Variants in SCLT1 observed in about 807,000 individuals in gnomAD.
SCLT1 encodes sodium channel and clathrin linker 1.
A neutral mutation model predicts 112.8 loss-of-function variants in SCLT1; 78 were observed. The observed-to-expected ratio is 0.69, with a 90% CI of 0.58 to 0.83. The LOEUF (loss-of-function observed/expected upper bound fraction) is 0.83, where lower values mean the gene tolerates loss of function less well. SCLT1 is among the 40% of genes least tolerant of loss of function. SCLT1 has a pLI of 0.00. For missense variants in SCLT1, 747 were observed against 770.4 expected, an observed-to-expected ratio of 0.97 and a Z score of 0.36; for synonymous variants, 257 against 254.7, an observed-to-expected ratio of 1.01 and a Z score of -0.09.
intron 5 of SCLT1, among the ~76,000 whole-genome samples, chr4:129,027,242 C>T (rs990027613): frequency 2.0e-5 from 3 of 152,064 alleles, no homozygotes; most frequent in Non-Finnish European, 2.9e-5. Context: ...GGCAGAGACA[C>T]AACCAAAAAA....
chr4:129,038,727 A>G (rs1238116190), intron 5 of SCLT1, among the ~76,000 whole-genome samples: 1 of 152,164 alleles, frequency 6.6e-6, no homozygotes, highest in Non-Finnish European at 1.5e-5. Flanking sequence ...ATACTACATT[A>G]TTGATTGCTA....
chr4:129,092,931 G>GTTTT, intron 1 of SCLT1, 139 bp downstream of exon 1: 2 of 604,736 alleles, frequency 3.3e-6, no homozygotes, highest in Admixed American at 2.7e-5. Flanking sequence ...TAACATCAAG[G>GTTTT]TTTTTTTTTT....
intron 17 of SCLT1, among the ~76,000 whole-genome samples, chr4:128,938,011 C>T (rs1204772940): frequency 1.3e-5 from 2 of 152,036 alleles, no homozygotes; most frequent in East Asian, 3.9e-4. Flanking sequence ...ATGAAAAACA[C>T]TTGTGGAAAA....
At chr4:128,911,958 G>T (rs541284881) in intron 18 of SCLT1, among the ~76,000 whole-genome samples, 1 of 152,146 alleles carries the variant, frequency 6.6e-6, no homozygotes, top group East Asian at 1.9e-4. Context: ...CTTTTTAAAA[G>T]GCATATTTTC....
intron 9 of SCLT1, among the ~76,000 whole-genome samples, chr4:128,973,602 A>G (rs1285097844): frequency 3.3e-5 from 5 of 152,152 alleles, no homozygotes; most frequent in Admixed American, 1.3e-4. Context: ...CCAATTTAAT[A>G]TTCATGTGTG....
At chr4:128,974,455 C>A (rs1740970623) in intron 9 of SCLT1, among the ~76,000 whole-genome samples, 3 of 151,722 alleles carry the variant, frequency 2.0e-5, no homozygotes, top group Non-Finnish European at 2.9e-5. Context: ...TGGAGCTCTC[C>A]TGAAGCCAAG....
intron 2 of SCLT1, among the ~76,000 whole-genome samples, chr4:129,062,540 G>A (rs1458408416): frequency 6.6e-6 from 1 of 152,068 alleles, no homozygotes; most frequent in African/African-American, 2.4e-5. Flanking sequence ...CTTTGCTTCA[G>A]CTTCAAGAAC....
chr4:128,900,534 G>C (rs1430479024), intron 18 of SCLT1, among the ~76,000 whole-genome samples: 1 of 152,168 alleles, frequency 6.6e-6, no homozygotes, highest in East Asian at 1.9e-4. Context: ...ATTCAAGATG[G>C]ATTAAAGACT....
At chr4:128,932,806 C>T (rs1313215266) in intron 18 of SCLT1, among the ~76,000 whole-genome samples, 2 of 152,172 alleles carry the variant, frequency 1.3e-5, no homozygotes, top group East Asian at 3.9e-4. Context: ...ACATTAACAG[C>T]AATCTATCTG....
intron 3 of SCLT1, among the ~76,000 whole-genome samples, chr4:128,876,885 A>G (rs1471555320): frequency 6.6e-6 from 1 of 152,054 alleles, no homozygotes; most frequent in Non-Finnish European, 1.5e-5. Flanking sequence ...GAATTCTTCA[A>G]CTCTCACAGC....
chr4:129,022,789 C>T (rs993729806), intron 5 of SCLT1, among the ~76,000 whole-genome samples: 2 of 152,090 alleles, frequency 1.3e-5, no homozygotes, highest in Admixed American at 6.6e-5. Flanking sequence ...TCAGGAAATG[C>T]GGAGAACACC....
chr4:128,925,361 G>A (rs1450440585), intron 18 of SCLT1, among the ~76,000 whole-genome samples: 1 of 150,650 alleles, frequency 6.6e-6, no homozygotes, highest in Admixed American at 6.6e-5. Flanking sequence ...TTTTTTTTTG[G>A]AGCTGGAGTC....
In SCLT1 at chr4:128,924,392, C is replaced by T. The variant is rs199676259; in HGVS notation, c.1829+12263G>A. Among the ~76,000 whole-genome samples the T allele has an allele frequency of 1.1e-4, 17 of 152,104 alleles. 1 individual carries two copies. In the East Asian group the frequency reaches 3.3e-3, roughly 29 times the overall value. On this transcript the variant is annotated intron_variant, in intron 18 of 20. Transcript: ENST00000281142. Reference sequence around the variant, plus strand: ...CAAGCAATTCTCGCTCTTCAGCTTCCTGAGTAGCTGGGATTACAAGTGTGG... The same window carrying T: ...CAAGCAATTCTCGCTCTTCAGCTTCTTGAGTAGCTGGGATTACAAGTGTGG...
At chr4:128,946,394 C>T (rs867065751) in intron 15 of SCLT1, among the ~76,000 whole-genome samples, 10 of 152,098 alleles carry the variant, frequency 6.6e-5, no homozygotes, top group South Asian at 2.1e-4. Flanking sequence ...CATAGCAAGA[C>T]CCTGTCATCT....
chr4:129,056,963 T>G (rs913862909), intron 2 of SCLT1, among the ~76,000 whole-genome samples: 1 of 152,216 alleles, frequency 6.6e-6, no homozygotes, highest in Non-Finnish European at 1.5e-5. Context: ...ATGCTGGCTG[T>G]GGGTTTGTCA....
intron 18 of SCLT1, among the ~76,000 whole-genome samples, chr4:128,904,127 T>C (rs1734518756): frequency 6.6e-6 from 1 of 152,148 alleles, no homozygotes; most frequent in Non-Finnish European, 1.5e-5. Flanking sequence ...CACCAAGTAA[T>C]TGAAATAAAA....
chr4:129,079,363 T>C (rs1439729480), intron 2 of SCLT1, among the ~76,000 whole-genome samples: 1 of 152,104 alleles, frequency 6.6e-6, no homozygotes, highest in East Asian at 1.9e-4. Flanking sequence ...CAAGATACAA[T>C]GAAGGTATAG....
intron 9 of SCLT1, among the ~76,000 whole-genome samples, chr4:128,986,069 A>T (rs540130539): frequency 6.6e-6 from 1 of 152,376 alleles, no homozygotes; most frequent in East Asian, 1.9e-4. Context: ...TATCAAGGAA[A>T]GAGGTACCGA....
At chr4:128,913,625 T>C (rs1447560189) in intron 18 of SCLT1, among the ~76,000 whole-genome samples, 2 of 151,832 alleles carry the variant, frequency 1.3e-5, no homozygotes, top group Non-Finnish European at 2.9e-5. Context: ...AGAAGACGAG[T>C]TATATTTAAA....
Sources: allele counts gnomAD v4.1 joint callset (sites outside exome capture counted in the v4.1 genomes callset), GRCh38; gene constraint gnomAD v4.1.1; transcripts MANE v1.5; gene names NCBI Gene and HGNC (gene_info 2026-07-23, HGNC 2026-07-21).